PLEKHA7: variants seen among roughly 807,000 people sequenced by gnomAD.
PLEKHA7 encodes pleckstrin homology domain-containing family A member 7.
Under a neutral mutation model 170.0 loss-of-function variants are expected in PLEKHA7, and 104 were observed. The observed-to-expected ratio is 0.61, with a 90% confidence interval of 0.52 to 0.72. The LOEUF (loss-of-function observed/expected upper bound fraction) is 0.72, where lower values mean the gene tolerates loss of function less well. Ranked by LOEUF, PLEKHA7 falls within the 30% of genes least tolerant of loss-of-function variation. The pLI, the probability that PLEKHA7 is intolerant of heterozygous loss-of-function variation, is 0.00. For synonymous variants in PLEKHA7, 648 were observed against 660.8 expected, an observed-to-expected ratio of 0.98 and a Z score of 0.30; for missense variants, 1,615 against 1,671.7, an observed-to-expected ratio of 0.97 and a Z score of 0.59.
At chr11:16,919,844 A>G (rs1330562713) in intron 3 of PLEKHA7, among the ~76,000 whole-genome samples, 6 of 152,192 alleles carry the variant, frequency 3.9e-5, no homozygotes, top group African/African-American at 1.4e-4. Context: ...GAGAGAGAGA[A>G]AGGATGAGAG....
chr11:16,932,552 T>C (rs1368156590), intron 3 of PLEKHA7, among the ~76,000 whole-genome samples: 1 of 152,208 alleles, frequency 6.6e-6, no homozygotes, highest in Non-Finnish European at 1.5e-5. Flanking sequence ...CCCAAAGTGT[T>C]GGGATTACAG....
intron 10 of PLEKHA7, among the ~76,000 whole-genome samples, chr11:16,820,726 A>G (rs192552739): frequency 6.6e-6 from 1 of 152,250 alleles, no homozygotes; most frequent in Admixed American, 6.5e-5. Context: ...GCCTGCCTAC[A>G]GTGCCTGGAA....
intron 3 of PLEKHA7, among the ~76,000 whole-genome samples, chr11:16,943,966 GA>G (rs1260400528): frequency 6.6e-6 from 1 of 152,206 alleles, no homozygotes; most frequent in Non-Finnish European, 1.5e-5. Flanking sequence ...GGGATGGGAA[GA>G]AAGGTAGAAC....
intron 3 of PLEKHA7, among the ~76,000 whole-genome samples, chr11:16,893,730 G>A (rs1045468263): frequency 9.2e-5 from 14 of 152,186 alleles, no homozygotes; most frequent in African/African-American, 3.1e-4. Context: ...GACATGTAGC[G>A]CTTACTCTTA....
At chr11:16,982,901 C>A (rs1009461127) in intron 3 of PLEKHA7, among the ~76,000 whole-genome samples, 1 of 152,150 alleles carries the variant, frequency 6.6e-6, no homozygotes, top group Non-Finnish European at 1.5e-5. Context: ...CTGGACTCCA[C>A]ACACTATTTC....
chr11:16,795,851 CTTTTTTTTTT>C (rs1179377641), intron 17 of PLEKHA7, among the ~76,000 whole-genome samples: 1 of 93,076 alleles, frequency 1.1e-5, no homozygotes, highest in Admixed American at 1.6e-4. Context: ...CAGTTTTTTC[CTTTTTTTTTT>C]TTTTTTTTTT....
intron 3 of PLEKHA7, among the ~76,000 whole-genome samples, chr11:16,979,346 C>A (rs1459877929): frequency 6.6e-6 from 1 of 152,108 alleles, no homozygotes. Context: ...TGATTCTTTA[C>A]TCGAGTGCCT....
intron 19 of PLEKHA7, among the ~76,000 whole-genome samples, chr11:16,792,369 A>G (rs1847922866): frequency 1.3e-5 from 2 of 152,192 alleles, no homozygotes; most frequent in Admixed American, 1.3e-4. Context: ...ATTAAACTCA[A>G]GAAAATAAGT....
chr11:16,859,985 TTCTC>T (rs1241950334), intron 4 of PLEKHA7, among the ~76,000 whole-genome samples: 1 of 152,258 alleles, frequency 6.6e-6, no homozygotes, highest in Non-Finnish European at 1.5e-5. Context: ...TAACAAAGAC[TTCTC>T]TCTCCCTGGT....
In PLEKHA7 at chr11:16,854,918, C is replaced by T. The variant is rs370530419; in HGVS notation, c.493G>A (p.Val165Met). The change falls in exon 6 of 27, where the codon GTG (valine) becomes ATG (methionine). Residue 165 changes from valine (V) to methionine (M), a missense_variant. Val to Met is a conservative substitution (Grantham distance 21). Coordinates refer to ENST00000531066, the MANE Select transcript of PLEKHA7 (RefSeq NM_001329630.2). ...TTGTGCAGCCAGCCCCTCACCACCA[C>T]GGGAACATTGGGGTTCCTCCGAATG... ...QAIRRNPNVPVVVRGWLHKQD... is the reference protein window; with the variant it reads ...QAIRRNPNVPMVVRGWLHKQD... 2.0e-5 allele frequency: 33 copies of T among 1,614,042 alleles called. No homozygotes were observed. The highest frequency in any genetic ancestry group is 2.6e-5 in the Non-Finnish European group (31 of 1,179,948).
intron 7 of PLEKHA7, 56 bp downstream of exon 7, chr11:16,852,227 T>C (rs1487062278): frequency 6.7e-7 from 1 of 1,498,612 alleles, no homozygotes; most frequent in African/African-American, 1.4e-5. Context: ...TCACCAACCA[T>C]CCACATATGT....
chr11:16,782,250 C>A (rs553486008), intron 26 of PLEKHA7, among the ~76,000 whole-genome samples: 3 of 152,078 alleles, frequency 2.0e-5, no homozygotes, highest in Admixed American at 1.3e-4. Flanking sequence ...AAGTCCTGTA[C>A]TTTCTGGCAC....
At chr11:16,801,635 C>CTG (rs1216572778) in intron 16 of PLEKHA7, 33 bp downstream of exon 16, 23 of 1,613,112 alleles carry the variant, frequency 1.4e-5, no homozygotes, top group Non-Finnish European at 1.9e-5. Flanking sequence ...TCAGCCCGTC[C>CTG]TGAGGGAGAC....
At chr11:16,945,615 T>C (rs924775770) in intron 3 of PLEKHA7, among the ~76,000 whole-genome samples, 4 of 152,288 alleles carry the variant, frequency 2.6e-5, no homozygotes, top group African/African-American at 4.8e-5. Context: ...GCCAGGCAAA[T>C]AGAAGCTCCA....
At chr11:16,955,114 C>T (rs946670303) in intron 3 of PLEKHA7, among the ~76,000 whole-genome samples, 2 of 152,094 alleles carry the variant, frequency 1.3e-5, no homozygotes, top group African/African-American at 2.4e-5. Flanking sequence ...AACTGTTGAA[C>T]GCAAAGCACT....
At chr11:16,968,191 T>C (rs1862490077) in intron 3 of PLEKHA7, among the ~76,000 whole-genome samples, 1 of 152,122 alleles carries the variant, frequency 6.6e-6, no homozygotes, top group Non-Finnish European at 1.5e-5. Context: ...AAACGTACCT[T>C]GAAGTGAGGA....
intron 3 of PLEKHA7, among the ~76,000 whole-genome samples, chr11:16,893,989 C>T (rs1390053056): frequency 1.3e-5 from 2 of 152,204 alleles, no homozygotes; most frequent in Admixed American, 1.3e-4. Flanking sequence ...TCCTTCAGCC[C>T]ACCCTGCTGG....
At chr11:17,002,708 A>C (rs1864741723) in intron 3 of PLEKHA7, among the ~76,000 whole-genome samples, 1 of 152,144 alleles carries the variant, frequency 6.6e-6, no homozygotes, top group Admixed American at 6.5e-5. Context: ...CGTGCCAGAC[A>C]ATGCATTTGT....
At chr11:17,013,747 G>A (rs2137166059) in intron 3 of PLEKHA7, among the ~76,000 whole-genome samples, 1 of 152,294 alleles carries the variant, frequency 6.6e-6, no homozygotes, top group East Asian at 1.9e-4. Flanking sequence ...GGTCCAGGGC[G>A]CAGAGTCTGC....
Sources: gnomAD v4.1 joint callset for allele counts (sites outside exome capture counted in the v4.1 genomes callset) on GRCh38, gnomAD v4.1.1 for gene constraint, MANE v1.5 for transcripts, NCBI Gene and HGNC (gene_info 2026-07-23, HGNC 2026-07-21) for gene names.